ANKFN1: variants seen among roughly 807,000 people sequenced by gnomAD.
ANKFN1 encodes ankyrin repeat and fibronectin type III domain containing 1.
In ANKFN1, 74 loss-of-function variants were observed where a neutral mutation model predicts 108.7. That is an observed-to-expected ratio of 0.68 (90% confidence interval 0.56 to 0.83). ANKFN1 has a LOEUF of 0.83. Among genes scored for constraint, ANKFN1 ranks in the 40% least tolerant of loss-of-function variants. The probability of loss-of-function intolerance (pLI) is 0.00; values close to 1 mark genes in which losing one functional copy is unlikely to be tolerated. For missense variants in ANKFN1, 1,505 were observed against 1,382.3 expected (o/e 1.09, Z -1.41); for synonymous variants, 547 against 516.2 (o/e 1.06, Z -0.81).
chr17:56,108,687 C>A (rs1240271320), intron 4 of ANKFN1, among the ~76,000 whole-genome samples: 2 of 152,206 alleles, frequency 1.3e-5, no homozygotes, highest in Non-Finnish European at 2.9e-5. Flanking sequence ...CAACAACTAA[C>A]AATCCTAATT....
chr17:56,340,444 T>C (rs893861808), intron 4 of ANKFN1, among the ~76,000 whole-genome samples: 2 of 151,960 alleles, frequency 1.3e-5, no homozygotes, highest in African/African-American at 4.8e-5. Context: ...TTTTGGGATT[T>C]ACATTTAAGT....
At chr17:56,399,654 A>G (rs1780413036) in intron 8 of ANKFN1, among the ~76,000 whole-genome samples, 2 of 151,838 alleles carry the variant, frequency 1.3e-5, no homozygotes, top group African/African-American at 4.8e-5. Context: ...CCAAGTCCCC[A>G]AAGTCCACTG....
At chr17:56,429,563 G>A (rs1275009324) in intron 8 of ANKFN1, among the ~76,000 whole-genome samples, 2 of 152,208 alleles carry the variant, frequency 1.3e-5, no homozygotes, top group Admixed American at 6.5e-5. Flanking sequence ...AGGCTATACA[G>A]AGACAGGCAG....
chr17:56,347,387 A>G (rs1476872764), intron 4 of ANKFN1, among the ~76,000 whole-genome samples: 3 of 152,104 alleles, frequency 2.0e-5, no homozygotes, highest in Non-Finnish European at 4.4e-5. Context: ...AATTCTAGAA[A>G]AAAAGAGTTT....
At chr17:56,465,817 A>G (rs999305537) in intron 14 of ANKFN1, among the ~76,000 whole-genome samples, 3 of 152,210 alleles carry the variant, frequency 2.0e-5, no homozygotes. Flanking sequence ...AGATAAGTCG[A>G]ATCAGGCCAA....
chr17:56,228,949 G>A (rs1232102496), intron 3 of ANKFN1, among the ~76,000 whole-genome samples: 1 of 151,992 alleles, frequency 6.6e-6, no homozygotes, highest in Non-Finnish European at 1.5e-5. Flanking sequence ...TATTATACAT[G>A]TTCTAATAAA....
At chr17:56,314,293 G>A (rs1286737437) in intron 3 of ANKFN1, among the ~76,000 whole-genome samples, 1 of 152,110 alleles carries the variant, frequency 6.6e-6, no homozygotes, top group Non-Finnish European at 1.5e-5. Flanking sequence ...GAACCCAGAA[G>A]TCGAAGTGCC....
At chr17:56,371,927 A>C (rs866534864) in intron 6 of ANKFN1, among the ~76,000 whole-genome samples, 1 of 152,334 alleles carries the variant, frequency 6.6e-6, no homozygotes, top group South Asian at 2.1e-4. Context: ...AGAGGGGCTT[A>C]TATAACTTAT....
chr17:56,265,470 T>G (rs1030676236), intron 3 of ANKFN1, among the ~76,000 whole-genome samples: 1 of 152,174 alleles, frequency 6.6e-6, no homozygotes, highest in Non-Finnish European at 1.5e-5. Flanking sequence ...ATGTGGGGAT[T>G]ACAATTTGAG....
At chr17:56,419,978 T>C (rs1357029839) in intron 8 of ANKFN1, among the ~76,000 whole-genome samples, 12 of 152,180 alleles carry the variant, frequency 7.9e-5, no homozygotes, top group Non-Finnish European at 1.5e-4. Context: ...TGGTTCCCCA[T>C]ACCTTTCCAG....
At position 56,271,523 on chromosome 17, in the gene ANKFN1, G is replaced by T. The variant is rs542088757; in HGVS notation, c.53+43566G>T. Among the ~76,000 whole-genome samples the T allele has an allele frequency of 3.3e-5, 5 of 152,294 alleles. No homozygotes were observed. The South Asian group carries it at 8.3e-4, about 25-fold the overall frequency. The stretch of plus-strand genomic sequence containing the variant: ...AAGCCAGGGAAATAAATGTCTCCTG[G>T]TCTTAGAGCAGCAGAAGCAAGCAGA... On this transcript the variant is annotated intron_variant, in intron 3 of 20. Transcript: ENST00000682825.
At chr17:56,407,203 A>G (rs1032184563) in intron 8 of ANKFN1, among the ~76,000 whole-genome samples, 5 of 152,250 alleles carry the variant, frequency 3.3e-5, no homozygotes, top group Non-Finnish European at 5.9e-5. Context: ...GATTAAAAAC[A>G]GTCTACCATA....
chr17:56,159,057 CAGAAGAAGAAGAA>C (rs1221598737), intron 1 of ANKFN1, among the ~76,000 whole-genome samples: 2 of 64,714 alleles, frequency 3.1e-5, no homozygotes, highest in African/African-American at 1.1e-4. Flanking sequence ...AAAAAAAAAG[CAGAAGAAGAAGAA>C]AGAAGAAGAG....
At chr17:56,249,483 A>G (rs2144047905) in intron 3 of ANKFN1, among the ~76,000 whole-genome samples, 1 of 152,290 alleles carries the variant, frequency 6.6e-6, no homozygotes, top group Admixed American at 6.5e-5. Flanking sequence ...TGCAAATTCA[A>G]AGGAAATCTA....
chr17:56,205,984 C>T (rs1001749344), intron 1 of ANKFN1, among the ~76,000 whole-genome samples: 3 of 152,062 alleles, frequency 2.0e-5, no homozygotes, highest in African/African-American at 7.2e-5. Flanking sequence ...ATTTTCCCTG[C>T]CATTTTGAAA....
chr17:56,309,063 C>A (rs1490451920), intron 3 of ANKFN1, among the ~76,000 whole-genome samples: 1 of 152,062 alleles, frequency 6.6e-6, no homozygotes, highest in South Asian at 2.1e-4. Context: ...AAGATAATAT[C>A]AGGTTTATAA....
At position 56,072,007 on chromosome 17, in the gene ANKFN1, G is replaced by C. The variant is rs142345609; in HGVS notation, c.288+25682G>C. ...GAATTCTGCTGTTGTTCAGACTCCA[G>C]GCAGCAGCCACATCTGTGATTGGTT... On this transcript the variant is annotated intron_variant, in intron 4 of 12. Coordinates refer to the ANKFN1 transcript ENST00000635860. 5.7e-4 allele frequency among the ~76,000 whole-genome samples: 87 copies of C among 152,300 alleles called. 1 individual carries two copies. The highest frequency in any genetic ancestry group is 1.9e-3 in the African/African-American group (78 of 41,560).
At chr17:56,137,267 T>C (rs2143375533) in intron 4 of ANKFN1, among the ~76,000 whole-genome samples, 1 of 152,314 alleles carries the variant, frequency 6.6e-6, no homozygotes, top group African/African-American at 2.4e-5. Context: ...TGGAGGTTTG[T>C]GGATGAATGA....
chr17:56,469,415 CCAA>C (rs1183821607), intron 15 of ANKFN1, among the ~76,000 whole-genome samples: 3 of 152,018 alleles, frequency 2.0e-5, no homozygotes, highest in African/African-American at 7.2e-5. Context: ...TTGGTGGTAC[CCAA>C]AGCAGGCTGG....
Sources: allele counts gnomAD v4.1 joint callset (sites outside exome capture counted in the v4.1 genomes callset), GRCh38; gene constraint gnomAD v4.1.1; transcripts MANE v1.5; gene names NCBI Gene and HGNC (gene_info 2026-07-23, HGNC 2026-07-21).